The following ADAM28 variants were observed in gnomAD, a reference collection of about 807,000 sequenced individuals.
The protein encoded by ADAM28 is ADAM metallopeptidase domain 28.
In ADAM28, 105 loss-of-function variants were observed where a neutral mutation model predicts 101.2. The observed-to-expected ratio is 1.04, with a 90% CI of 0.89 to 1.22. The LOEUF (loss-of-function observed/expected upper bound fraction) is 1.22, where lower values mean the gene tolerates loss of function less well. ADAM28 is among the 50% of genes most tolerant of loss of function. The probability of loss-of-function intolerance (pLI) is 0.00; values close to 1 mark genes in which losing one functional copy is unlikely to be tolerated. For missense variants in ADAM28, 1,028 were observed against 945.4 expected (o/e 1.09, Z -1.15); for synonymous variants, 322 against 310.6 (o/e 1.04, Z -0.39).
intron 9 of ADAM28, among the ~76,000 whole-genome samples, chr8:24,325,883 A>AAAAAAAAAAAAAAAAAAC (rs1563296748): frequency 1.2e-4 from 14 of 114,666 alleles, no homozygotes; most frequent in Non-Finnish European, 2.0e-4. Flanking sequence ...AAAAAAAAAA[A>AAAAAAAAAAAAAAAAAAC]AAAAAAAAAA....
At chr8:24,351,842 G>A (rs1816193575) in intron 20 of ADAM28, 145 bp from the exon 21 acceptor site, 4 of 676,866 alleles carry the variant, frequency 5.9e-6, no homozygotes, top group Non-Finnish European at 1.0e-5. Flanking sequence ...TACGCCAGCA[G>A]GACCACTGTG....
intron 9 of ADAM28, 75 bp from the exon 10 acceptor site, chr8:24,326,479 G>C: frequency 7.4e-7 from 1 of 1,355,906 alleles, no homozygotes; most frequent in East Asian, 2.4e-5. Context: ...AACCATTTAG[G>C]GTTTTGGATG....
intron 2 of ADAM28, among the ~76,000 whole-genome samples, chr8:24,307,193 C>T (rs143313479): frequency 1.6e-3 from 237 of 152,266 alleles, no homozygotes; most frequent in African/African-American, 5.5e-3. Flanking sequence ...AGTTGACCAC[C>T]CTTCTGATCA....
intron 17 of ADAM28, 40 bp from the exon 18 acceptor site, chr8:24,343,466 C>T (rs769559736): frequency 6.3e-7 from 1 of 1,597,046 alleles, no homozygotes; most frequent in South Asian, 1.1e-5. Flanking sequence ...AGTTTCTGGT[C>T]AGCCTAGCGG....
intron 1 of ADAM28, among the ~76,000 whole-genome samples, chr8:24,298,119 A>T (rs1188182373): frequency 6.6e-6 from 1 of 152,180 alleles, no homozygotes; most frequent in Non-Finnish European, 1.5e-5. Flanking sequence ...TAAATCATAA[A>T]CCACTTGAAC....
intron 6 of ADAM28, among the ~76,000 whole-genome samples, chr8:24,318,819 A>G (rs1273081649): frequency 2.0e-5 from 3 of 152,010 alleles, no homozygotes; most frequent in Non-Finnish European, 4.4e-5. Context: ...CCAAGGTGCC[A>G]TCTCATAATA....
chr8:24,343,449 G>A, intron 17 of ADAM28, 57 bp from the exon 18 acceptor site: 3 of 1,529,172 alleles, frequency 2.0e-6, no homozygotes, highest in East Asian at 2.3e-5. Context: ...GGATGAGTAG[G>A]GCCTTGAGTT....
Position 24,316,913 on chromosome 8 carries a change from A to G in ADAM28, c.577-3323A>G, listed in dbSNP as rs565618467. Among the ~76,000 whole-genome samples the G allele has an allele frequency of 1.5e-4, 23 of 152,216 alleles. No individual in the cohort carries two copies. The South Asian group carries it at 4.8e-3, about 32-fold the overall frequency. On this transcript the variant is annotated intron_variant, in intron 6 of 22. Transcript: ENST00000265769. ...CATACAAAATCTGTGACATTTCTAT[A>G]CACGAATAACAACCTAGCCAAAAAT...
chr8:24,342,263 T>C (rs1184383236), intron 16 of ADAM28, among the ~76,000 whole-genome samples: 14 of 152,170 alleles, frequency 9.2e-5, no homozygotes. Flanking sequence ...TTACCCTCTT[T>C]ATATATTCAC....
At chr8:24,300,162 T>G in intron 2 of ADAM28, 85 bp downstream of exon 2, 2 of 1,110,234 alleles carry the variant, frequency 1.8e-6, no homozygotes, top group South Asian at 1.5e-5. Flanking sequence ...GAGAGATAGA[T>G]ATGGGATTTA....
chr8:24,332,186 G>A (rs1813441777), intron 12 of ADAM28, among the ~76,000 whole-genome samples: 1 of 152,110 alleles, frequency 6.6e-6, no homozygotes, highest in Non-Finnish European at 1.5e-5. Context: ...CTGACACAAA[G>A]CAGAGAGACT....
rs779802530 is a variant in ADAM28 at position 24,352,010 on chromosome 8, G to A, written c.2202G>A (p.Val734=). 2.5e-6 allele frequency: 4 copies of A among 1,613,510 alleles called. No homozygotes were observed. In the African/African-American group the frequency reaches 5.3e-5, roughly 22 times the overall value. Residue 734 remains valine (V), a synonymous_variant, in exon 21 of 23, where the codon GTG becomes GTA. Transcript: ENST00000265769. The part of the protein sequence containing the change: ...PQEMSQMKPH[V]YDLPVEGNEP... ...AGATGAGTCAGATGAAGCCCCATGT[G>A]TATGATCTGCCAGTAGAAGGCAATG...
At chr8:24,323,171 A>T (rs889503550) in intron 8 of ADAM28, among the ~76,000 whole-genome samples, 2 of 151,852 alleles carry the variant, frequency 1.3e-5, no homozygotes, top group Admixed American at 6.6e-5. Flanking sequence ...CTGTGCCTTT[A>T]TATGGTAGAA....
chr8:24,321,362 A>T, intron 8 of ADAM28, 73 bp downstream of exon 8: 1 of 1,243,448 alleles, frequency 8.0e-7, no homozygotes, highest in Non-Finnish European at 1.2e-6. Flanking sequence ...CAATGAACGC[A>T]CATGAAGCAT....
chr8:24,308,290 T>C (rs1280122246), intron 2 of ADAM28, among the ~76,000 whole-genome samples: 1 of 152,178 alleles, frequency 6.6e-6, no homozygotes, highest in Non-Finnish European at 1.5e-5. Flanking sequence ...GAACTCTCTT[T>C]CAAAAGTATT....
At chr8:24,338,551 T>C (rs902587487) in intron 14 of ADAM28, among the ~76,000 whole-genome samples, 3 of 151,344 alleles carry the variant, frequency 2.0e-5, no homozygotes, top group East Asian at 2.0e-4. Flanking sequence ...TAATAAAACA[T>C]GAATACATTT....
At chr8:24,301,080 A>G (rs1808694147) in intron 2 of ADAM28, among the ~76,000 whole-genome samples, 1 of 152,216 alleles carries the variant, frequency 6.6e-6, no homozygotes, top group Non-Finnish European at 1.5e-5. Context: ...CCAGCAAGAT[A>G]CAGATAAATG....
chr8:24,317,208 T>A (rs1455773592), intron 6 of ADAM28, among the ~76,000 whole-genome samples: 1 of 151,758 alleles, frequency 6.6e-6, no homozygotes, highest in Non-Finnish European at 1.5e-5. Context: ...ATAAAATTTG[T>A]ATGGAACCAC....
chr8:24,325,900 A>ACAAAAAAAAAAAAAAAAAAAAAAAAAAAC, intron 9 of ADAM28, among the ~76,000 whole-genome samples: 1 of 117,766 alleles, frequency 8.5e-6, no homozygotes, highest in Non-Finnish European at 1.8e-5. Context: ...AAAAAAAAAA[A>ACAAAAAAAAAAAAAAAAAAAAAAAAAAAC]CCAAAAAACA....
Sources: gnomAD v4.1 joint callset for allele counts (sites outside exome capture counted in the v4.1 genomes callset) on GRCh38, gnomAD v4.1.1 for gene constraint, MANE v1.5 for transcripts, NCBI Gene and HGNC (gene_info 2026-07-23, HGNC 2026-07-21) for gene names.